NR2F1-AS1: variants seen among roughly 807,000 people sequenced by gnomAD.
The protein encoded by NR2F1-AS1 is NR2F1 antisense RNA 1.
chr5:93,430,895 G>A (rs1481318540), intron 4 of NR2F1-AS1, among the ~76,000 whole-genome samples: 1 of 115,800 alleles, frequency 8.6e-6, no homozygotes, highest in Admixed American at 7.8e-5. Flanking sequence ...CATCATCATG[G>A]TGAGTGTCCA....
chr5:93,570,955 C>T (rs1029377697), intron 1 of NR2F1-AS1: 12 of 152,268 alleles, frequency 7.9e-5, no homozygotes, highest in South Asian at 2.1e-4. Context: ...GGATCCCAGT[C>T]CGCAGAATTA....
chr5:93,545,312 T>C (rs2149908489), intron 4 of NR2F1-AS1, among the ~76,000 whole-genome samples: 1 of 152,378 alleles, frequency 6.6e-6, no homozygotes, highest in South Asian at 2.1e-4. Flanking sequence ...TCTGCTATTT[T>C]GTGGATACAC....
At chr5:93,547,548 A>G (rs919312242) in intron 4 of NR2F1-AS1, among the ~76,000 whole-genome samples, 1 of 152,218 alleles carries the variant, frequency 6.6e-6, no homozygotes, top group Non-Finnish European at 1.5e-5. Context: ...AACAGCAAGG[A>G]GGCCTAGAAT....
At chr5:93,445,892 C>T (rs149493013) in intron 4 of NR2F1-AS1, among the ~76,000 whole-genome samples, 1 of 152,138 alleles carries the variant, frequency 6.6e-6, no homozygotes, top group African/African-American at 2.4e-5. Flanking sequence ...AAGGCTGGTT[C>T]AACATATGCA....
chr5:93,438,235 T>A (rs1333334249), intron 4 of NR2F1-AS1, among the ~76,000 whole-genome samples: 1 of 152,252 alleles, frequency 6.6e-6, no homozygotes, highest in Non-Finnish European at 1.5e-5. Flanking sequence ...TCTAAATCTA[T>A]CTAGGCTCAT....
intron 4 of NR2F1-AS1, among the ~76,000 whole-genome samples, chr5:93,549,193 G>C (rs7713245): frequency 0.014 from 2,204 of 152,092 alleles, 62 homozygotes; most frequent in African/African-American, 0.05. Flanking sequence ...ATTTTAAAGA[G>C]AACAAAATAC....
chr5:93,466,137 C>G (rs1260653036), intron 4 of NR2F1-AS1, among the ~76,000 whole-genome samples: 2 of 151,936 alleles, frequency 1.3e-5, no homozygotes, highest in Non-Finnish European at 2.9e-5. Context: ...AAAGAGAGGT[C>G]AACCCTCAGA....
chr5:93,524,545 C>CA (rs1168140636), intron 4 of NR2F1-AS1, among the ~76,000 whole-genome samples: 1 of 152,128 alleles, frequency 6.6e-6, no homozygotes, highest in Non-Finnish European at 1.5e-5. Context: ...AACCCCAAGA[C>CA]ACACAATCAT....
At position 93,416,964 on chromosome 5, in the gene NR2F1-AS1, C is replaced by G. The variant is rs529305163; in HGVS notation, n.639-21422G>C. 1.3e-4 allele frequency among the ~76,000 whole-genome samples: 20 copies of G among 152,270 alleles called. No individual in the cohort carries two copies. In the South Asian group the frequency reaches 4.2e-3, roughly 32 times the overall value. On this transcript the variant is annotated intron_variant and non_coding_transcript_variant, in intron 4 of 5. Coordinates refer to ENST00000660523, the Ensembl canonical transcript of NR2F1-AS1. ...CACAAGGCATTTCTATACATTAAAACTGACCCTCACAACAACCTCATAAAG... is the reference window on the plus strand; with the variant it reads ...CACAAGGCATTTCTATACATTAAAAGTGACCCTCACAACAACCTCATAAAG...
At chr5:93,481,359 G>A (rs1224794531) in intron 4 of NR2F1-AS1, among the ~76,000 whole-genome samples, 3 of 152,032 alleles carry the variant, frequency 2.0e-5, no homozygotes, top group Non-Finnish European at 4.4e-5. Flanking sequence ...TAGAGAGCCT[G>A]AGAATATATA....
chr5:93,568,653 A>G (rs1752669364), intron 1 of NR2F1-AS1, among the ~76,000 whole-genome samples: 2 of 152,190 alleles, frequency 1.3e-5, no homozygotes, highest in Admixed American at 6.5e-5. Flanking sequence ...TAACTACTCA[A>G]TTTTTGAGTG....
chr5:93,578,397 T>C (rs1752944028), intron 1 of NR2F1-AS1, among the ~76,000 whole-genome samples: 2 of 151,872 alleles, frequency 1.3e-5, no homozygotes, highest in Non-Finnish European at 1.5e-5. Flanking sequence ...TCTCATCGCC[T>C]TTTTGGGGAA....
At chr5:93,448,034 C>T (rs1430554855) in intron 4 of NR2F1-AS1, among the ~76,000 whole-genome samples, 1 of 152,062 alleles carries the variant, frequency 6.6e-6, no homozygotes, top group Non-Finnish European at 1.5e-5. Flanking sequence ...GAACATCACA[C>T]ACCAGGGCCT....
intron 4 of NR2F1-AS1, among the ~76,000 whole-genome samples, chr5:93,442,841 G>T (rs1749604397): frequency 6.6e-6 from 1 of 152,206 alleles, no homozygotes; most frequent in Non-Finnish European, 1.5e-5. Context: ...CTGAGACAAA[G>T]CTTCCAGAGG....
In NR2F1-AS1 at chr5:93,512,917, A is replaced by G. The variant is rs570473232; in HGVS notation, n.638+40844T>C. On this transcript the variant is annotated intron_variant and non_coding_transcript_variant, in intron 4 of 5. Coordinates refer to ENST00000660523, the Ensembl canonical transcript of NR2F1-AS1. ...GTTCACACAAGGACAAAGTCACCTA[A>G]TGACACATTTTTCAGGAAATATCCC... 7.2e-5 allele frequency among the ~76,000 whole-genome samples: 11 copies of G among 152,282 alleles called. No homozygotes were observed. In the South Asian group the frequency reaches 2.3e-3, roughly 32 times the overall value.
chr5:93,545,458 T>C (rs1393652510), intron 4 of NR2F1-AS1, among the ~76,000 whole-genome samples: 1 of 152,254 alleles, frequency 6.6e-6, no homozygotes, highest in African/African-American at 2.4e-5. Context: ...TTAGTGTTTC[T>C]GTACCACAAA....
intron 4 of NR2F1-AS1, among the ~76,000 whole-genome samples, chr5:93,481,260 T>C (rs1000558552): frequency 2.6e-5 from 4 of 152,002 alleles, no homozygotes; most frequent in Non-Finnish European, 4.4e-5. Flanking sequence ...TCAAAAACTA[T>C]TGCAAAAGAC....
intron 4 of NR2F1-AS1, among the ~76,000 whole-genome samples, chr5:93,520,612 G>C (rs139701510): frequency 1.2e-3 from 190 of 152,200 alleles, no homozygotes; most frequent in Non-Finnish European, 2.0e-3. Context: ...TTTTTCAAGA[G>C]AAGTATGGCC....
intron 4 of NR2F1-AS1, among the ~76,000 whole-genome samples, chr5:93,428,505 C>T (rs1749241379): frequency 6.6e-6 from 1 of 152,148 alleles, no homozygotes; most frequent in African/African-American, 2.4e-5. Flanking sequence ...TTCATAGTAA[C>T]AGGTATTAAT....
Sources: gnomAD v4.1 joint callset for allele counts (sites outside exome capture counted in the v4.1 genomes callset) on GRCh38, gnomAD v4.1.1 for gene constraint, MANE v1.5 for transcripts, NCBI Gene and HGNC (gene_info 2026-07-23, HGNC 2026-07-21) for gene names.